Variants in INPP4A observed in about 807,000 individuals in gnomAD.
INPP4A encodes the protein inositol polyphosphate-4-phosphatase type I A, also known as inositol polyphosphate-4-phosphatase, type I, 107kD.
Under a neutral mutation model 119.8 loss-of-function variants are expected in INPP4A, and 33 were observed. That is an observed-to-expected ratio of 0.28 (90% CI 0.21 to 0.37). The LOEUF is 0.37. Among genes scored for constraint, INPP4A ranks in the 10% least tolerant of loss-of-function variants. The pLI is 1.00. For synonymous variants in INPP4A, 496 were observed against 500.7 expected (o/e 0.99, Z 0.12); for missense variants, 956 against 1,289.9 (o/e 0.74, Z 3.97).
At chr2:98,577,245 G>GGGCCT (rs1698577580) in intron 24 of INPP4A, 102 bp downstream of exon 24, 1 of 1,215,408 alleles carries the variant, frequency 8.2e-7, no homozygotes, top group Non-Finnish European at 1.1e-6. Context: ...CCCTGCATGA[G>GGGCCT]CCCCTTGACT....
intron 1 of INPP4A, among the ~76,000 whole-genome samples, chr2:98,490,317 G>A (rs1245360809): frequency 6.6e-6 from 1 of 152,010 alleles, no homozygotes; most frequent in Admixed American, 6.6e-5. Context: ...CTTTTTCTGA[G>A]CATGCTGCAT....
intron 1 of INPP4A, among the ~76,000 whole-genome samples, chr2:98,465,264 C>G (rs993183098): frequency 2.0e-5 from 3 of 152,160 alleles, no homozygotes; most frequent in African/African-American, 7.2e-5. Context: ...TGGCTTGCCT[C>G]GGCTGCCGGC....
At chr2:98,522,711 A>G (rs561932198) in intron 4 of INPP4A, among the ~76,000 whole-genome samples, 2 of 152,040 alleles carry the variant, frequency 1.3e-5, no homozygotes, top group East Asian at 1.9e-4. Context: ...AACAAGGTGT[A>G]TTGTGGTGAA....
chr2:98,479,250 C>G (rs1172240832), intron 1 of INPP4A, among the ~76,000 whole-genome samples: 1 of 152,148 alleles, frequency 6.6e-6, no homozygotes, highest in Non-Finnish European at 1.5e-5. Context: ...GGAGGTGCTC[C>G]TGTCCCCATT....
chr2:98,474,566 G>T (rs1374864621), intron 1 of INPP4A, among the ~76,000 whole-genome samples: 2 of 152,184 alleles, frequency 1.3e-5, no homozygotes, highest in Admixed American at 1.3e-4. Flanking sequence ...CTCCTGCTTG[G>T]TGAGTGACAG....
At chr2:98,464,201 A>G (rs1447855929) in intron 1 of INPP4A, among the ~76,000 whole-genome samples, 1 of 152,168 alleles carries the variant, frequency 6.6e-6, no homozygotes, top group Admixed American at 6.6e-5. Flanking sequence ...AGGTTGGGAC[A>G]GCACAGCCCT....
Position 98,546,168 on chromosome 2 carries a change from CTG to C in INPP4A, c.1054+100_1054+101del. 1 of 855,466 alleles carries C rather than the reference CTG, an allele frequency of 1.2e-6. No homozygotes were observed. The highest frequency in any genetic ancestry group is 2.7e-5 in the East Asian group (1 of 37,434). 53.0% of individuals were successfully genotyped at this position (855,466 alleles called of 1,614,324 possible). On this transcript the variant is annotated intron_variant, in intron 12 of 24. Coordinates refer to ENST00000409851, the MANE Select transcript of INPP4A (RefSeq NM_001134225.2). The surrounding 1 kb of genome is among the most constrained non-coding windows in gnomAD (Gnocchi z 4.2). ...GAGTACCCCACATCTGCCCATTTCC[CTG>C]TGTGCTCTGGGCGGCTCGGAGGAGA...
At chr2:98,514,808 A>G (rs931555098) in intron 1 of INPP4A, among the ~76,000 whole-genome samples, 1 of 152,112 alleles carries the variant, frequency 6.6e-6, no homozygotes, top group Non-Finnish European at 1.5e-5. Context: ...GGTCCCAGCT[A>G]CTCAGGAGGC....
intron 1 of INPP4A, among the ~76,000 whole-genome samples, chr2:98,506,850 G>A (rs911694040): frequency 2.0e-5 from 3 of 152,208 alleles, no homozygotes; most frequent in Non-Finnish European, 2.9e-5. Context: ...GGCAGGGAGG[G>A]GGAGTCAAGG....
At chr2:98,476,777 C>T (rs1677312379) in intron 1 of INPP4A, among the ~76,000 whole-genome samples, 1 of 152,214 alleles carries the variant, frequency 6.6e-6, no homozygotes, top group South Asian at 2.1e-4. Context: ...TCTCATGGGG[C>T]CCTCCAGCCC....
At chr2:98,524,396 G>A (rs867104551) in intron 4 of INPP4A, among the ~76,000 whole-genome samples, 10 of 152,272 alleles carry the variant, frequency 6.6e-5, no homozygotes, top group Middle Eastern at 3.4e-3. Context: ...AAAACTTAAT[G>A]GAAGCTATGG....
intron 13 of INPP4A, among the ~76,000 whole-genome samples, chr2:98,547,413 C>CAGGG (rs1575025922): frequency 1.3e-5 from 2 of 152,276 alleles, no homozygotes; most frequent in East Asian, 3.9e-4. Flanking sequence ...GTGCATGGAG[C>CAGGG]AGGGCATCCA....
In INPP4A at chr2:98,582,910, A is replaced by G. The variant is rs189165551; in HGVS notation, c.2787-4566A>G. Among the ~76,000 whole-genome samples the G allele has an allele frequency of 3.3e-5, 5 of 151,940 alleles. No individual in the cohort carries two copies. The East Asian group carries it at 9.8e-4, about 30-fold the overall frequency. The stretch of plus-strand genomic sequence containing the variant: ...TGCATACACCAGACACAGAAAGATC[A>G]CCTACTGCATAAGTCAAACAGAAAG... On this transcript the variant is annotated intron_variant, in intron 24 of 24. Coordinates refer to ENST00000409851, the MANE Select transcript of INPP4A (RefSeq NM_001134225.2).
intron 22 of INPP4A, among the ~76,000 whole-genome samples, chr2:98,571,528 C>T (rs903743589): frequency 6.6e-6 from 1 of 152,224 alleles, no homozygotes; most frequent in Non-Finnish European, 1.5e-5. Flanking sequence ...GGAGCTGTTA[C>T]AATGGGCAGT....
At chr2:98,478,957 G>T (rs1677831020) in intron 1 of INPP4A, among the ~76,000 whole-genome samples, 1 of 152,308 alleles carries the variant, frequency 6.6e-6, no homozygotes, top group East Asian at 1.9e-4. Context: ...GCTAGAGATA[G>T]CTACTCCAAC....
chr2:98,567,096 G>A (rs1403524157), intron 21 of INPP4A, among the ~76,000 whole-genome samples: 1 of 152,166 alleles, frequency 6.6e-6, no homozygotes, highest in African/African-American at 2.4e-5. Flanking sequence ...GACACAATCA[G>A]ATTTACATTT....
intron 11 of INPP4A, among the ~76,000 whole-genome samples, chr2:98,544,709 C>G (rs900138877): frequency 3.9e-5 from 6 of 152,126 alleles, no homozygotes; most frequent in Admixed American, 2.0e-4. Context: ...TGGATTCTTC[C>G]CTTTGATTCT....
At chr2:98,491,197 G>T (rs1314750338) in intron 1 of INPP4A, among the ~76,000 whole-genome samples, 1 of 152,210 alleles carries the variant, frequency 6.6e-6, no homozygotes, top group Non-Finnish European at 1.5e-5. Context: ...TCACATCGTG[G>T]GTAGTAACAT....
At chr2:98,476,004 G>T (rs1677130606) in intron 1 of INPP4A, among the ~76,000 whole-genome samples, 1 of 152,164 alleles carries the variant, frequency 6.6e-6, no homozygotes, top group Non-Finnish European at 1.5e-5. Flanking sequence ...GAATTTTACT[G>T]AAATCAACTC....
Sources: gnomAD v4.1 joint callset for allele counts (sites outside exome capture counted in the v4.1 genomes callset) on GRCh38, gnomAD v4.1.1 for gene constraint, Gnocchi (gnomAD v3.1) non-coding constraint, MANE v1.5 for transcripts, NCBI Gene and HGNC (gene_info 2026-07-23, HGNC 2026-07-21) for gene names.